OPCML: variants seen among roughly 807,000 people sequenced by gnomAD.
The protein encoded by OPCML is opioid-binding protein/cell adhesion molecule.
In OPCML, 13 loss-of-function variants were observed where a neutral mutation model predicts 37.8. That is an observed-to-expected ratio of 0.34 (90% confidence interval 0.22 to 0.55). The LOEUF is 0.55. Ranked by LOEUF, OPCML falls within the 20% of genes least tolerant of loss-of-function variation. The pLI is 0.91. For missense variants in OPCML, 341 were observed against 435.6 expected (o/e 0.78, Z 1.93); for synonymous variants, 176 against 168.8 (o/e 1.04, Z -0.33).
intron 1 of OPCML, among the ~76,000 whole-genome samples, chr11:133,041,511 G>A (rs1311118773): frequency 6.6e-6 from 1 of 152,164 alleles, no homozygotes; most frequent in Middle Eastern, 3.2e-3. Flanking sequence ...AGTAGATGAG[G>A]AATAACTTCC....
At chr11:132,554,725 A>C (rs145952579) in intron 3 of OPCML, among the ~76,000 whole-genome samples, 1 of 152,098 alleles carries the variant, frequency 6.6e-6, no homozygotes, top group Non-Finnish European at 1.5e-5. Context: ...TTAGCTTAGG[A>C]GTTTGCCTAA....
intron 1 of OPCML, among the ~76,000 whole-genome samples, chr11:133,381,267 G>T (rs1944922575): frequency 1.3e-5 from 2 of 152,222 alleles, no homozygotes. Flanking sequence ...AACTGGCAGG[G>T]ACACTGAGAA....
chr11:132,544,241 G>C (rs2096363784), intron 3 of OPCML, among the ~76,000 whole-genome samples: 1 of 151,892 alleles, frequency 6.6e-6, no homozygotes, highest in South Asian at 2.1e-4. Context: ...TGGCTTCCCA[G>C]TACTCCAGAC....
chr11:132,913,953 T>G (rs574187300), intron 2 of OPCML, among the ~76,000 whole-genome samples: 30 of 152,326 alleles, frequency 2.0e-4, no homozygotes, highest in Middle Eastern at 6.8e-3. Context: ...TTTCCGGTGT[T>G]TTCTGTGTTG....
chr11:133,337,346 G>T (rs774651413), intron 1 of OPCML, among the ~76,000 whole-genome samples: 5 of 152,132 alleles, frequency 3.3e-5, no homozygotes, highest in Non-Finnish European at 7.3e-5. Context: ...TGCTGCTATT[G>T]ATCAATATGC....
At chr11:132,727,629 C>G (rs968171369) in intron 2 of OPCML, among the ~76,000 whole-genome samples, 1 of 152,184 alleles carries the variant, frequency 6.6e-6, no homozygotes, top group Non-Finnish European at 1.5e-5. Context: ...GACATCGAGT[C>G]CCATGCCCAT....
rs1320671205 is a variant in OPCML, at chr11:132,735,151, CTCTA to C, written c.147-77836_147-77833del. Reference sequence around the variant, plus strand: ...TACTGGTTTTGAATACTCCCAGAATCTCTAGATGGTGCTTGATAGTAAAATTTTA... The same window carrying C: ...TACTGGTTTTGAATACTCCCAGAATCGATGGTGCTTGATAGTAAAATTTTA... On this transcript the variant is annotated intron_variant, in intron 2 of 7. Transcript: ENST00000524381. Among the ~76,000 whole-genome samples the C allele has an allele frequency of 3.3e-5, 5 of 152,074 alleles. No homozygotes were observed. The East Asian group carries it at 9.7e-4, about 29-fold the overall frequency.
chr11:132,985,727 T>C (rs1034895040), intron 1 of OPCML, among the ~76,000 whole-genome samples: 1 of 152,226 alleles, frequency 6.6e-6, no homozygotes, highest in African/African-American at 2.4e-5. Context: ...GAGAGGATTA[T>C]ACAGGGTACC....
chr11:133,196,408 G>A (rs1404868420), intron 1 of OPCML, among the ~76,000 whole-genome samples: 1 of 152,196 alleles, frequency 6.6e-6, no homozygotes, highest in East Asian at 1.9e-4. Flanking sequence ...CCTTTCAGAG[G>A]CTCTGGAGAG....
chr11:133,336,525 A>G (rs903436648), intron 1 of OPCML, among the ~76,000 whole-genome samples: 1 of 152,246 alleles, frequency 6.6e-6, no homozygotes, highest in African/African-American at 2.4e-5. Context: ...ATGGAAGTCA[A>G]TATAGAATCC....
intron 1 of OPCML, among the ~76,000 whole-genome samples, chr11:133,028,597 T>C (rs958262514): frequency 6.6e-6 from 1 of 151,468 alleles, no homozygotes; most frequent in Non-Finnish European, 1.5e-5. Context: ...CATGAATGAA[T>C]TGTACAGACT....
rs2095943550 is a variant in OPCML at position 132,417,746 on chromosome 11, C to T, written c.*2447G>A. ...GCATGCTCAGATGACACATTTAATT[C>T]TCATACACTATCTGACACCAACTCA... On this transcript the variant is annotated 3_prime_UTR_variant, in exon 8 of 8. Coordinates refer to ENST00000524381, the MANE Select transcript of OPCML (RefSeq NM_001012393.5). 1 of 152,200 alleles carries T rather than the reference C, an allele frequency of 6.6e-6. No individual in the cohort carries two copies. Among genetic ancestry groups the T allele is most frequent in the African/African-American group, 2.4e-5 (1 of 41,438 alleles). 9.4% of individuals were successfully genotyped at this position (152,200 alleles called of 1,614,324 possible).
chr11:132,586,862 C>T (rs1364690031), intron 3 of OPCML, among the ~76,000 whole-genome samples: 2 of 152,112 alleles, frequency 1.3e-5, no homozygotes, highest in Admixed American at 1.3e-4. Context: ...GACAGTCTCT[C>T]AAAAATAAAG....
chr11:133,442,259 A>G (rs2050684992), intron 1 of OPCML, among the ~76,000 whole-genome samples: 1 of 152,144 alleles, frequency 6.6e-6, no homozygotes, highest in Admixed American at 6.6e-5. Flanking sequence ...CAGTCATCAA[A>G]TTGGCACAAA....
chr11:133,506,592 G>A (rs1217309363), intron 1 of OPCML, among the ~76,000 whole-genome samples: 2 of 152,178 alleles, frequency 1.3e-5, no homozygotes, highest in African/African-American at 2.4e-5. Flanking sequence ...TTTCAAATAA[G>A]CCTGAGACAA....
chr11:132,469,886 G>GCA (rs2096132219), intron 4 of OPCML, among the ~76,000 whole-genome samples: 1 of 114,868 alleles, frequency 8.7e-6, no homozygotes, highest in South Asian at 2.7e-4. Context: ...TGTGGGAGGT[G>GCA]TGTGTGTGTA....
intron 1 of OPCML, among the ~76,000 whole-genome samples, chr11:133,070,613 G>C (rs1948516677): frequency 1.3e-5 from 2 of 152,168 alleles, no homozygotes. Flanking sequence ...TCCAAAGAAG[G>C]TGCAACTGAA....
Position 133,015,435 on chromosome 11 carries a change from G to GGAAT in OPCML, c.62-72426_62-72425insATTC, listed in dbSNP as rs1332381368. Among the ~76,000 whole-genome samples the GGAAT allele has an allele frequency of 1.1e-3, 120 of 106,340 alleles. 2 individuals carry two copies. Among genetic ancestry groups the GGAAT allele is most frequent in the Non-Finnish European group, 1.4e-3 (61 of 44,442 alleles). 69.8% of individuals were successfully genotyped at this position (106,340 alleles called of 152,430 possible). On this transcript the variant is annotated intron_variant, in intron 1 of 7. Coordinates refer to ENST00000524381, the MANE Select transcript of OPCML (RefSeq NM_001012393.5). Reference sequence around the variant, plus strand: ...AGGAAGGAAGGAAGGAAGGAATGAAGGAAGGAAGGAAGGAAGGAATGAAGG... The same window carrying GGAAT: ...AGGAAGGAAGGAAGGAAGGAATGAAGGAATGAAGGAAGGAAGGAAGGAATGAAGG...
chr11:133,201,589 A>C (rs1363963674), intron 1 of OPCML, among the ~76,000 whole-genome samples: 1 of 152,212 alleles, frequency 6.6e-6, no homozygotes, highest in Non-Finnish European at 1.5e-5. Flanking sequence ...CGTTGTTCAG[A>C]AGATGAGCAT....
Sources: allele counts gnomAD v4.1 joint callset (sites outside exome capture counted in the v4.1 genomes callset), GRCh38; gene constraint gnomAD v4.1.1; transcripts MANE v1.5; gene names NCBI Gene and HGNC (gene_info 2026-07-23, HGNC 2026-07-21).